Variants in SKAP2 observed in about 807,000 individuals in gnomAD.
The protein encoded by SKAP2 is src kinase associated phosphoprotein 2.
Under a neutral mutation model 54.9 loss-of-function variants are expected in SKAP2, and 28 were observed. That is an observed-to-expected ratio of 0.51 (90% CI 0.38 to 0.70). The LOEUF (loss-of-function observed/expected upper bound fraction) is 0.70, where lower values mean the gene tolerates loss of function less well. SKAP2 is among the 30% of genes least tolerant of loss of function. The pLI is 0.00. For synonymous variants in SKAP2, 137 were observed against 134.3 expected, an observed-to-expected ratio of 1.02 and a Z score of -0.14; for missense variants, 356 against 424.1, an observed-to-expected ratio of 0.84 and a Z score of 1.41.
intron 6 of SKAP2, among the ~76,000 whole-genome samples, chr7:26,735,506 C>T (rs1787909802): frequency 6.6e-6 from 1 of 152,156 alleles, no homozygotes; most frequent in Non-Finnish European, 1.5e-5. Context: ...TAAGCCACTC[C>T]TATCTTGATA....
At chr7:26,775,061 T>C (rs538345347) in intron 4 of SKAP2, among the ~76,000 whole-genome samples, 44 of 152,336 alleles carry the variant, frequency 2.9e-4, no homozygotes, top group Non-Finnish European at 4.9e-4. Context: ...GGGTCCTTTT[T>C]TGTGAATCTT....
chr7:26,777,149 TA>T (rs556455005), intron 4 of SKAP2, among the ~76,000 whole-genome samples: 2 of 152,154 alleles, frequency 1.3e-5, no homozygotes, highest in Non-Finnish European at 2.9e-5. Flanking sequence ...GAAAAAAATT[TA>T]AAAAATATTT....
chr7:26,670,674 T>C (rs1407020840), intron 11 of SKAP2, among the ~76,000 whole-genome samples: 1 of 151,072 alleles, frequency 6.6e-6, no homozygotes, highest in Non-Finnish European at 1.5e-5. Flanking sequence ...AGAATGTTGA[T>C]AGATGTGTGC....
intron 4 of SKAP2, among the ~76,000 whole-genome samples, chr7:26,796,981 G>T (rs951496150): frequency 6.6e-6 from 1 of 152,176 alleles, no homozygotes; most frequent in Non-Finnish European, 1.5e-5. Flanking sequence ...GGTCATAATA[G>T]GTTAAGATTT....
chr7:26,766,678 T>A (rs1466973572), intron 4 of SKAP2, among the ~76,000 whole-genome samples: 1 of 152,186 alleles, frequency 6.6e-6, no homozygotes, highest in Non-Finnish European at 1.5e-5. Flanking sequence ...GTTTTTAGCA[T>A]GAAGGGCTGT....
At chr7:26,830,763 T>A (rs1784579660) in intron 4 of SKAP2, among the ~76,000 whole-genome samples, 1 of 152,142 alleles carries the variant, frequency 6.6e-6, no homozygotes, top group Admixed American at 6.5e-5. Flanking sequence ...CGACTCTGAG[T>A]TTTGAAAAAG....
At chr7:26,800,537 T>A (rs984218908) in intron 4 of SKAP2, among the ~76,000 whole-genome samples, 8 of 150,614 alleles carry the variant, frequency 5.3e-5, no homozygotes, top group African/African-American at 1.7e-4. Context: ...ATTGAAATTT[T>A]AAAAAAATAC....
At chr7:26,696,722 C>CA (rs11454771) in intron 9 of SKAP2, among the ~76,000 whole-genome samples, 17,353 of 152,130 alleles carry the variant, frequency 0.11, 1,358 homozygotes, top group African/African-American at 0.21. Context: ...CACTACCCTT[C>CA]AAAAGCAAAA....
intron 3 of SKAP2, among the ~76,000 whole-genome samples, chr7:26,847,018 C>T (rs1166374746): frequency 2.0e-5 from 3 of 151,926 alleles, no homozygotes; most frequent in African/African-American, 4.8e-5. Flanking sequence ...AAATAAAACG[C>T]TTTTGGGTTA....
chr7:26,860,176 G>A (rs1785248520), intron 1 of SKAP2, among the ~76,000 whole-genome samples: 2 of 152,268 alleles, frequency 1.3e-5, no homozygotes, highest in East Asian at 1.9e-4. Context: ...TATAAAAACT[G>A]TACGTAGTAT....
chr7:26,660,793 T>G, the SKAP2 span, among the ~76,000 whole-genome samples: 8 of 152,050 alleles, frequency 5.3e-5, no homozygotes, highest in Non-Finnish European at 1.0e-4. Context: ...ATGTGTCTAT[T>G]TTTTAAGCTG....
At chr7:26,857,934 C>A (rs3801806) in intron 1 of SKAP2, 83,440 of 155,300 alleles carry the variant, frequency 0.54, 22,951 homozygotes, top group East Asian at 0.86. Context: ...CTTTGAGGGT[C>A]GTGTTCCTCG....
At chr7:26,697,571 A>G (rs1273885904) in intron 9 of SKAP2, among the ~76,000 whole-genome samples, 1 of 152,162 alleles carries the variant, frequency 6.6e-6, no homozygotes, top group Admixed American at 6.5e-5. Context: ...TTAGTCCAGG[A>G]AAGTCTGAAT....
At position 26,690,359 on chromosome 7, in the gene SKAP2, T is replaced by G; in HGVS notation, c.800A>C (p.Glu267Ala). 4 of 1,606,268 alleles carry G rather than the reference T, an allele frequency of 2.5e-6. No homozygotes were observed. Among genetic ancestry groups the G allele is most frequent in the South Asian group, 1.1e-5 (1 of 90,936 alleles). The change falls in exon 10 of 13, where the codon GAA becomes GCA. Residue 267 changes from glutamate (E) to alanine (A), a missense_variant. Glu to Ala is a moderately radical substitution (Grantham distance 107). Coordinates refer to ENST00000345317, the MANE Select transcript of SKAP2 (RefSeq NM_003930.5). ...TTTCACTGGAGCACTGTCCTCTTCT[T>G]CTTCTGTAAATAAACATTATCAATG... ...DDEIYEELPE[E>A]EEDSAPVKVE...
At chr7:26,662,789 C>G (rs748295669), downstream of SKAP2, among the ~76,000 whole-genome samples, 3 of 152,138 alleles carry the variant, frequency 2.0e-5, no homozygotes, top group Non-Finnish European at 4.4e-5. Flanking sequence ...GATAAACACA[C>G]AGTTACACAA....
chr7:26,671,170 TACAA>T (rs749924491), intron 11 of SKAP2, among the ~76,000 whole-genome samples: 57 of 152,102 alleles, frequency 3.7e-4, no homozygotes, highest in Non-Finnish European at 6.6e-4. Flanking sequence ...TGTAGTGAGA[TACAA>T]ACAAAGTAAA....
At position 26,669,674 on chromosome 7, in the gene SKAP2, A is replaced by G. The variant is rs1295709520; in HGVS notation, c.*10-18T>C. 1.3e-5 allele frequency: 2 copies of G among 152,544 alleles called. No homozygotes were observed. Among genetic ancestry groups the G allele is most frequent in the Non-Finnish European group, 2.9e-5 (2 of 68,324 alleles). The allele number at this position is 152,544 out of a possible 1,614,324, so 9.4% of individuals were successfully genotyped here. A position where few individuals can be genotyped will look rare whatever the true frequency, so the allele number is the denominator to read the frequency against. ...TTCCTTTTCTGCAGGAGAAAGGGAA[A>G]GCTGCATTTTAATTTTTGATTCAGC... On this transcript the variant is annotated intron_variant, in intron 12 of 12. Transcript: ENST00000345317.
At chr7:26,699,987 C>G (rs1362600250) in intron 9 of SKAP2, among the ~76,000 whole-genome samples, 3 of 152,112 alleles carry the variant, frequency 2.0e-5, no homozygotes, top group Non-Finnish European at 4.4e-5. Flanking sequence ...TCTTTCCTTT[C>G]TTGTACTTGT....
intron 9 of SKAP2, among the ~76,000 whole-genome samples, chr7:26,692,174 G>A (rs984017426): frequency 6.8e-6 from 1 of 147,760 alleles, no homozygotes; most frequent in Non-Finnish European, 1.5e-5. Flanking sequence ...TAAGCTTTGT[G>A]CCTGAATGTG....
Sources: allele counts gnomAD v4.1 joint callset (sites outside exome capture counted in the v4.1 genomes callset), GRCh38; gene constraint gnomAD v4.1.1; transcripts MANE v1.5; gene names NCBI Gene and HGNC (gene_info 2026-07-23, HGNC 2026-07-21).